Variants in RACGAP1 observed in about 807,000 individuals in gnomAD.
RACGAP1 encodes the protein Rac GTPase activating protein 1, also known as rac GTPase-activating protein 1.
Under a neutral mutation model 78.1 loss-of-function variants are expected in RACGAP1, and 30 were observed. That is an observed-to-expected ratio of 0.38 (90% CI 0.29 to 0.52). RACGAP1 has a LOEUF of 0.52. Ranked by LOEUF, RACGAP1 falls within the 20% of genes least tolerant of loss-of-function variation. The pLI is 0.82. For missense variants in RACGAP1, 587 were observed against 777.1 expected (o/e 0.76, Z 2.91); for synonymous variants, 231 against 264.8 (o/e 0.87, Z 1.24).
intron 2 of RACGAP1, among the ~76,000 whole-genome samples, chr12:50,031,514 T>C (rs10161120): frequency 0.16 from 23,554 of 149,538 alleles, 3,144 homozygotes; most frequent in African/African-American, 0.36. Flanking sequence ...CAAAATCCTT[T>C]ACAAGGCCCT....
At chr12:49,998,811 T>C (rs1366204690) in intron 9 of RACGAP1, among the ~76,000 whole-genome samples, 3 of 151,882 alleles carry the variant, frequency 2.0e-5, no homozygotes, top group Non-Finnish European at 4.4e-5. Context: ...GGCAGGAGGA[T>C]TGCTTGAGAC....
intron 3 of RACGAP1, among the ~76,000 whole-genome samples, chr12:50,005,957 TCAACTGGTTGAATA>T (rs1252612098): frequency 6.6e-6 from 1 of 152,206 alleles, no homozygotes; most frequent in African/African-American, 2.4e-5. Flanking sequence ...GTCACATTGC[TCAACTGGTTGAATA>T]CATCTAGCCT....
chr12:49,990,021 C>T lies in RACGAP1; in HGVS notation c.*247G>A. Reference sequence around the variant, plus strand: ...ACCAATTCCATACTAACCCTTCTACCCCTGGAAAGATGTCTCATCTAAAAG... The same window carrying T: ...ACCAATTCCATACTAACCCTTCTACTCCTGGAAAGATGTCTCATCTAAAAG... On this transcript the variant is annotated 3_prime_UTR_variant, in exon 17 of 17. Transcript: ENST00000312377. 2.4e-6 allele frequency: 1 copy of T among 413,184 alleles called. No homozygotes were observed. The highest frequency in any genetic ancestry group is 4.3e-6 in the Non-Finnish European group (1 of 230,262). The allele number at this position is 413,184 out of a possible 1,614,324, so 25.6% of individuals were successfully genotyped here.
chr12:50,015,412 A>G (rs1949600664), intron 2 of RACGAP1, among the ~76,000 whole-genome samples: 1 of 152,126 alleles, frequency 6.6e-6, no homozygotes. Context: ...GCTCATGCCT[A>G]TAATCTCATC....
intron 1 of RACGAP1, among the ~76,000 whole-genome samples, chr12:50,032,193 C>T (rs946693910): frequency 6.6e-6 from 1 of 151,914 alleles, no homozygotes; most frequent in Non-Finnish European, 1.5e-5. Flanking sequence ...CTAGGGTTGT[C>T]GAGAGGAATA....
chr12:50,013,195 G>A (rs1466143915), intron 2 of RACGAP1, among the ~76,000 whole-genome samples: 1 of 152,100 alleles, frequency 6.6e-6, no homozygotes, highest in Non-Finnish European at 1.5e-5. Flanking sequence ...AATAAAATCA[G>A]GATTTCTGTA....
At chr12:50,010,600 G>A (rs565374625) in intron 2 of RACGAP1, among the ~76,000 whole-genome samples, 1 of 151,740 alleles carries the variant, frequency 6.6e-6, no homozygotes, top group South Asian at 2.1e-4. Flanking sequence ...TGGGATTACA[G>A]GTGTGAGCCA....
chr12:50,028,316 T>C (rs948057609), upstream of RACGAP1, among the ~76,000 whole-genome samples: 2 of 152,176 alleles, frequency 1.3e-5, no homozygotes, highest in African/African-American at 2.4e-5. Flanking sequence ...CTCTTTCCCT[T>C]ACACCTCAAT....
At chr12:50,028,525 T>G (rs530253171), upstream of RACGAP1, among the ~76,000 whole-genome samples, 1 of 152,246 alleles carries the variant, frequency 6.6e-6, no homozygotes, top group Non-Finnish European at 1.5e-5. Flanking sequence ...TCCCAGCCCT[T>G]TGGGAGGCCG....
chr12:49,991,479 A>ATATATATATAAATTTTT (rs1555169074), intron 15 of RACGAP1, among the ~76,000 whole-genome samples: 1 of 24,094 alleles, frequency 4.2e-5, no homozygotes, highest in African/African-American at 1.4e-4. Flanking sequence ...ATATATATAT[A>ATATATATATAAATTTTT]TTTTTTTTTT....
chr12:50,014,591 G>T (rs1297724660), intron 2 of RACGAP1, among the ~76,000 whole-genome samples: 1 of 152,068 alleles, frequency 6.6e-6, no homozygotes, highest in Non-Finnish European at 1.5e-5. Flanking sequence ...TTGAAACAGG[G>T]TCTCGCTCTG....
At chr12:50,018,411 T>C (rs1949801342) in intron 1 of RACGAP1, 1 of 682,952 alleles carries the variant, frequency 1.5e-6, no homozygotes, top group African/African-American at 1.9e-5. Flanking sequence ...GATCTTTCTC[T>C]AAACTAAGAA....
intron 5 of RACGAP1, among the ~76,000 whole-genome samples, chr12:50,003,491 C>G (rs1389508566): frequency 6.6e-6 from 1 of 152,148 alleles, no homozygotes; most frequent in Non-Finnish European, 1.5e-5. Flanking sequence ...ACAGAAAACT[C>G]CTAGCCATGT....
intron 1 of RACGAP1, chr12:50,016,973 G>A (rs953299067): frequency 1.1e-4 from 131 of 1,233,974 alleles, no homozygotes; most frequent in Non-Finnish European, 1.3e-4. Context: ...ATCACTTGGA[G>A]CAGAAAACAA....
chr12:50,021,594 CTCT>C (rs1353983621), intron 1 of RACGAP1, among the ~76,000 whole-genome samples: 1 of 152,164 alleles, frequency 6.6e-6, no homozygotes, highest in Non-Finnish European at 1.5e-5. Flanking sequence ...AGTCTCTATC[CTCT>C]TCTTCCTCCT....
chr12:49,994,142 A>C lies in RACGAP1; in HGVS notation c.1328T>G (p.Met443Arg). 6.2e-7 allele frequency: 1 copy of C among 1,612,424 alleles called. No homozygotes were observed. The highest frequency in any genetic ancestry group is 1.3e-5 in the African/African-American group (1 of 75,018). ...ACATCTGCCCTTACCTGCTGCTTCC[A>C]TAAAGGCTCTGTTAAGGCGAAAGGT... ...LLTFRLNRAF[M>R]EAAEITDEDN... The change falls in exon 12 of 17, where the codon ATG (methionine) becomes AGG (arginine). Residue 443 changes from methionine to arginine, a missense_variant. Transcript: ENST00000312377.
At chr12:50,009,166 C>T (rs1487158337) in intron 2 of RACGAP1, among the ~76,000 whole-genome samples, 6 of 146,010 alleles carry the variant, frequency 4.1e-5, no homozygotes, top group South Asian at 2.1e-4. Context: ...CCCAGCTACT[C>T]GAGGAGGCAG....
At chr12:50,028,676 G>A (rs918325667), upstream of RACGAP1, among the ~76,000 whole-genome samples, 9 of 152,130 alleles carry the variant, frequency 5.9e-5, no homozygotes, top group African/African-American at 2.2e-4. Context: ...GGAGGCTGAG[G>A]CAGGAGAATT....
At chr12:49,990,864 G>T in intron 15 of RACGAP1, 72 bp from the exon 16 acceptor site, 2 of 1,168,002 alleles carry the variant, frequency 1.7e-6, no homozygotes, top group Non-Finnish European at 2.6e-6. Context: ...CTAGTTTTAA[G>T]CTGATTACCC....
Sources: gnomAD v4.1 joint callset for allele counts (sites outside exome capture counted in the v4.1 genomes callset) on GRCh38, gnomAD v4.1.1 for gene constraint, MANE v1.5 for transcripts, NCBI Gene and HGNC (gene_info 2026-07-23, HGNC 2026-07-21) for gene names.